The following DHX30 variants were observed in gnomAD, a reference collection of about 807,000 sequenced individuals.
DHX30 encodes DExH-box helicase 30.
Under a neutral mutation model 116.9 loss-of-function variants are expected in DHX30, and 4 were observed. That is an observed-to-expected ratio of 0.03 (90% CI 0.02 to 0.08). DHX30 has a LOEUF of 0.08. Among genes scored for constraint, DHX30 ranks in the 10% least tolerant of loss-of-function variants. The pLI is 1.00. For synonymous variants in DHX30, 697 were observed against 651.7 expected, an observed-to-expected ratio of 1.07 and a Z score of -1.06; for missense variants, 871 against 1,595.1, an observed-to-expected ratio of 0.55 and a Z score of 7.73.
chr3:47,826,528 C>T (rs1692108956), intron 4 of DHX30, among the ~76,000 whole-genome samples: 1 of 151,668 alleles, frequency 6.6e-6, no homozygotes, highest in Non-Finnish European at 1.5e-5. Context: ...TCACTACAAC[C>T]TCCGCCTCCC....
intron 4 of DHX30, chr3:47,825,284 C>T: frequency 1.8e-6 from 1 of 559,252 alleles, no homozygotes. Flanking sequence ...TCCGCAGCGC[C>T]CTTGACTCCT....
intron 4 of DHX30, among the ~76,000 whole-genome samples, chr3:47,822,838 A>C (rs1301331881): frequency 6.6e-6 from 1 of 152,064 alleles, no homozygotes; most frequent in Non-Finnish European, 1.5e-5. Context: ...CCACGCCCGT[A>C]ATCCCAGCAC....
intron 6 of DHX30, among the ~76,000 whole-genome samples, chr3:47,831,486 G>A (rs2036846148): frequency 6.6e-6 from 1 of 152,024 alleles, no homozygotes; most frequent in Non-Finnish European, 1.5e-5. Flanking sequence ...TGTCTCTTCT[G>A]CATCTCCTCT....
At chr3:47,804,813 G>A (rs2035446181) in intron 1 of DHX30, among the ~76,000 whole-genome samples, 1 of 152,114 alleles carries the variant, frequency 6.6e-6, no homozygotes, top group African/African-American at 2.4e-5. Context: ...TGTAACCTGT[G>A]CTTCAGTTTT....
chr3:47,828,463 CAA>C (rs541910100), intron 5 of DHX30, among the ~76,000 whole-genome samples: 21 of 52,170 alleles, frequency 4.0e-4, no homozygotes, highest in South Asian at 1.8e-3. Context: ...CTGTCCCCCA[CAA>C]AAAAAAAAAA....
intron 6 of DHX30, among the ~76,000 whole-genome samples, chr3:47,831,497 CTT>C (rs907206900): frequency 2.0e-5 from 3 of 152,112 alleles, no homozygotes; most frequent in African/African-American, 7.2e-5. Flanking sequence ...CATCTCCTCT[CTT>C]GCCCTTTTGT....
In DHX30 at chr3:47,849,513, C is replaced by A. The variant is rs371037514; in HGVS notation, c.3150C>A (p.Thr1050=). 1.2e-6 allele frequency: 2 copies of A among 1,603,156 alleles called. No individual in the cohort carries two copies. The highest frequency in any genetic ancestry group is 2.2e-5 in the East Asian group (1 of 44,608). The change falls in exon 20 of 22, where the codon ACC becomes ACA. Residue 1050 remains threonine (T), a synonymous_variant. Coordinates refer to ENST00000445061, the MANE Select transcript of DHX30 (RefSeq NM_138615.3). ...KFKPNSVTYR[T]KSGNILLHKS... ...AGCCCAACAGCGTCACATATAGGAC[C>A]AAATCAGGCAACATCCTGCTGCACA...
At chr3:47,819,556 T>G (rs564938729) in intron 4 of DHX30, among the ~76,000 whole-genome samples, 22 of 152,198 alleles carry the variant, frequency 1.4e-4, no homozygotes, top group Admixed American at 2.6e-4. Flanking sequence ...CAACAGCCCC[T>G]CTTGGCCTGC....
At chr3:47,840,811 C>T (rs1346044303) in intron 6 of DHX30, 66 bp from the exon 7 acceptor site, 6 of 1,598,866 alleles carry the variant, frequency 3.8e-6, no homozygotes, top group Non-Finnish European at 2.6e-6. Flanking sequence ...TGTAGCTGGA[C>T]ACGGACCAGG....
intron 3 of DHX30, chr3:47,816,149 C>T: frequency 1.0e-6 from 1 of 980,474 alleles, no homozygotes; most frequent in African/African-American, 1.7e-5. Flanking sequence ...TGTAAAATCA[C>T]ATACCTATAA....
At position 47,842,405 on chromosome 3, in the gene DHX30, A is replaced by G. The variant is rs549516161; in HGVS notation, c.789+668A>G. On this transcript the variant is annotated intron_variant, in intron 8 of 21. Coordinates refer to ENST00000445061, the MANE Select transcript of DHX30 (RefSeq NM_138615.3). ...TGAGTTCGTGTCTGGCGTAGACCCTATATCTAATTATAATGAAAGATTTAG... is the reference window on the plus strand; with the variant it reads ...TGAGTTCGTGTCTGGCGTAGACCCTGTATCTAATTATAATGAAAGATTTAG... 29 of 152,572 alleles carry G rather than the reference A, an allele frequency of 1.9e-4. 1 individual carries two copies. Among genetic ancestry groups the G allele is most frequent in the African/African-American group, 6.3e-4 (26 of 41,568 alleles). The allele number at this position is 152,572 out of a possible 1,614,324, so 9.5% of individuals were successfully genotyped here. A position where few individuals can be genotyped will look rare whatever the true frequency, so the allele number is the denominator to read the frequency against.
chr3:47,806,468 T>C (rs1362837437), intron 2 of DHX30, among the ~76,000 whole-genome samples: 1 of 127,488 alleles, frequency 7.8e-6, no homozygotes, highest in African/African-American at 3.1e-5. Context: ...TTTTCTGAGA[T>C]GGAGTCTCAC....
intron 6 of DHX30, among the ~76,000 whole-genome samples, chr3:47,834,144 C>T (rs2036997348): frequency 6.6e-6 from 1 of 152,080 alleles, no homozygotes; most frequent in African/African-American, 2.4e-5. Context: ...CGGCCTGTTG[C>T]CCAGGCTAGA....
chr3:47,829,310 A>AT (rs1197680925), intron 6 of DHX30, among the ~76,000 whole-genome samples, 176 bp downstream of exon 6: 904 of 25,464 alleles, frequency 0.036, 9 homozygotes, highest in Non-Finnish European at 0.073. Flanking sequence ...ATATATATAT[A>AT]TATATTTTTT....
intron 6 of DHX30, among the ~76,000 whole-genome samples, chr3:47,839,806 G>C (rs148907647): frequency 2.2e-3 from 329 of 152,014 alleles, no homozygotes; most frequent in African/African-American, 7.7e-3. Context: ...CCCCTGAGTA[G>C]CTGAGATTAC....
intron 3 of DHX30, among the ~76,000 whole-genome samples, chr3:47,814,391 C>T (rs1196664266): frequency 1.5e-5 from 2 of 136,776 alleles, no homozygotes; most frequent in East Asian, 4.4e-4. Context: ...CACCACTGCA[C>T]TCTAGCCTGG....
chr3:47,828,547 G>A (rs1330333007), intron 5 of DHX30, among the ~76,000 whole-genome samples: 4 of 151,828 alleles, frequency 2.6e-5, no homozygotes, highest in South Asian at 2.1e-4. Flanking sequence ...CGAGGTGGGC[G>A]GATCACAAGG....
rs1448275730 is a variant in DHX30 at position 47,831,924 on chromosome 3, C to CTTT, written c.366+2793_366+2795dup. Reference sequence around the variant, plus strand: ...TAGTTTTCTCTCTGAAGGCCTTTTCCTTTTTCTTTTTTTTTTTTTTTTTTA... The same window carrying CTTT: ...TAGTTTTCTCTCTGAAGGCCTTTTCCTTTTTTTTCTTTTTTTTTTTTTTTTTTA... On this transcript the variant is annotated intron_variant, in intron 6 of 21. Transcript: ENST00000445061. 2.2e-4 allele frequency among the ~76,000 whole-genome samples: 27 copies of CTTT among 120,416 alleles called. 3 individuals are homozygous for CTTT. Among genetic ancestry groups the CTTT allele is most frequent in the Non-Finnish European group, 3.4e-4 (20 of 58,616 alleles). The allele number at this position is 120,416 out of a possible 152,430, so 79.0% of individuals were successfully genotyped here.
rs1431717023 is a variant in DHX30, at chr3:47,847,753, C to G, written c.2111-28C>G. ...GGGGAATTCTGGTGGAAGCAGTGCC[C>G]ATAACTGGTGTGTGTCTTGCCCACC... On this transcript the variant is annotated intron_variant, in intron 13 of 21. Transcript: ENST00000445061. The surrounding 1 kb of genome is among the most constrained non-coding windows in gnomAD (Gnocchi z 5.5). 9.3e-6 allele frequency: 15 copies of G among 1,604,976 alleles called. No individual in the cohort carries two copies. Among genetic ancestry groups the G allele is most frequent in the Non-Finnish European group, 6.8e-6 (8 of 1,174,232 alleles).
Sources: gnomAD v4.1 joint callset for allele counts (sites outside exome capture counted in the v4.1 genomes callset) on GRCh38, gnomAD v4.1.1 for gene constraint, Gnocchi (gnomAD v3.1) non-coding constraint, MANE v1.5 for transcripts, NCBI Gene and HGNC (gene_info 2026-07-23, HGNC 2026-07-21) for gene names.